The following KIAA0319 variants were observed in gnomAD, a reference collection of about 807,000 sequenced individuals.
The protein encoded by KIAA0319 is KIAA0319.
Under a neutral mutation model 108.4 loss-of-function variants are expected in KIAA0319, and 83 were observed. The observed-to-expected ratio is 0.77, with a 90% CI of 0.64 to 0.92. The LOEUF (loss-of-function observed/expected upper bound fraction) is 0.92, where lower values mean the gene tolerates loss of function less well. KIAA0319 is among the 40% of genes least tolerant of loss of function. The pLI is 0.00. For missense variants in KIAA0319, 1,195 were observed against 1,322.4 expected (o/e 0.90, Z 1.49); for synonymous variants, 484 against 510.4 (o/e 0.95, Z 0.70).
At chr6:24,560,414 A>T (rs1053212456) in intron 16 of KIAA0319, among the ~76,000 whole-genome samples, 9 of 152,180 alleles carry the variant, frequency 5.9e-5, no homozygotes, top group African/African-American at 2.2e-4. Context: ...GTGAAGTGAT[A>T]TTTCAACATG....
rs1562090984 is a variant in KIAA0319, at chr6:24,624,027, T to TC, written c.-106+21708_-106+21709insG. ...GAATTTCTTTGTTTTCTTTTTTTTTTTTTTTTTTTTTTTTTTAGACAAGGT... is the reference window on the plus strand; with the variant it reads ...GAATTTCTTTGTTTTCTTTTTTTTTTCTTTTTTTTTTTTTTTTAGACAAGGT... On this transcript the variant is annotated intron_variant, in intron 1 of 20. Coordinates refer to ENST00000378214, the MANE Select transcript of KIAA0319 (RefSeq NM_014809.4). 1.5e-4 allele frequency among the ~76,000 whole-genome samples: 21 copies of TC among 139,936 alleles called. No individual in the cohort carries two copies. The East Asian group carries it at 4.4e-3, about 29-fold the overall frequency. 91.8% of individuals were successfully genotyped at this position (139,936 alleles called of 152,430 possible). A position where few individuals can be genotyped will look rare whatever the true frequency, so the allele number is the denominator to read the frequency against.
At chr6:24,614,114 C>T (rs771182250) in intron 1 of KIAA0319, among the ~76,000 whole-genome samples, 17 of 152,158 alleles carry the variant, frequency 1.1e-4, no homozygotes, top group Non-Finnish European at 2.5e-4. Flanking sequence ...CAAGATACCC[C>T]GTGGCAGGTT....
intron 5 of KIAA0319, 90 bp from the exon 6 acceptor site, chr6:24,582,436 C>G: frequency 1.3e-6 from 1 of 757,166 alleles, no homozygotes; most frequent in Non-Finnish European, 2.4e-6. Flanking sequence ...CTTTAAACCA[C>G]CAGTGCAGAT....
downstream of KIAA0319, among the ~76,000 whole-genome samples, chr6:24,541,167 A>G (rs185484776): frequency 1.6e-3 from 246 of 152,324 alleles, no homozygotes; most frequent in Non-Finnish European, 2.9e-3. Flanking sequence ...ACATAATTGA[A>G]TAAGTGAATC....
intron 1 of KIAA0319, among the ~76,000 whole-genome samples, chr6:24,629,984 GCCTGGCCAA>G (rs1775301165): frequency 6.6e-6 from 1 of 152,050 alleles, no homozygotes; most frequent in African/African-American, 2.4e-5. Flanking sequence ...GTCAGGACCA[GCCTGGCCAA>G]CATGCCGAAA....
Position 24,588,693 on chromosome 6 carries a change from C to T in KIAA0319, c.894G>A (p.Gly298=), listed in dbSNP as rs762027255. The change falls in exon 4 of 21, where the codon GGG becomes GGA. Residue 298 remains glycine (G), a synonymous_variant. Coordinates refer to ENST00000378214, the MANE Select transcript of KIAA0319 (RefSeq NM_014809.4). ...GTGTTGGGATGCTGTGCTCTGTACT[C>T]CCCGGGGTGACTGTGAGCACTGGGC... ...EKSPVLTVTP[G]STEHSIPTPP... 1.9e-6 allele frequency: 3 copies of T among 1,613,874 alleles called. No individual in the cohort carries two copies. In the South Asian group the frequency reaches 3.3e-5, roughly 18 times the overall value.
intron 1 of KIAA0319, among the ~76,000 whole-genome samples, chr6:24,601,764 G>C (rs1171032078): frequency 6.6e-6 from 1 of 152,200 alleles, no homozygotes; most frequent in Non-Finnish European, 1.5e-5. Flanking sequence ...GGTCATTCGA[G>C]GCTGATTGTT....
chr6:24,567,325 G>A (rs1364817003), intron 13 of KIAA0319, among the ~76,000 whole-genome samples: 1 of 152,106 alleles, frequency 6.6e-6, no homozygotes, highest in African/African-American at 2.4e-5. Flanking sequence ...AACACAACAA[G>A]TCTCCATCTC....
At chr6:24,547,381 G>C (rs765009054) in intron 20 of KIAA0319, 38 bp from the exon 21 acceptor site, 2 of 1,564,800 alleles carry the variant, frequency 1.3e-6, no homozygotes, top group South Asian at 2.2e-5. Flanking sequence ...GAGGAACGCC[G>C]TGATTCACTT....
At chr6:24,586,309 TTTTG>T (rs148960150) in intron 4 of KIAA0319, among the ~76,000 whole-genome samples, 20,787 of 152,112 alleles carry the variant, frequency 0.14, 1,793 homozygotes, top group South Asian at 0.34. Context: ...GAGCTGTGTT[TTTTG>T]TTTGTTTGTT....
intron 19 of KIAA0319, among the ~76,000 whole-genome samples, chr6:24,553,294 T>TATACAC (rs1554142428): frequency 9.9e-5 from 9 of 91,070 alleles, no homozygotes; most frequent in South Asian, 7.9e-4. Flanking sequence ...TATATATATA[T>TATACAC]ACACACACAC....
chr6:24,564,091 C>G, intron 15 of KIAA0319, 111 bp downstream of exon 15: 1 of 1,374,778 alleles, frequency 7.3e-7, no homozygotes, highest in Non-Finnish European at 1.0e-6. Context: ...CAGCCAAGAG[C>G]TGGAGCCAGC....
rs145863882 is a variant in KIAA0319, at chr6:24,584,028, T to C, written c.995-326A>G. Reference sequence around the variant, plus strand: ...TGTGAATTGGGTCCATTTTCTCCCTTGCTATCAGCTTTTCTTGACGCCCTG... The same window carrying C: ...TGTGAATTGGGTCCATTTTCTCCCTCGCTATCAGCTTTTCTTGACGCCCTG... On this transcript the variant is annotated intron_variant, in intron 4 of 20. Transcript: ENST00000378214. Among the ~76,000 whole-genome samples the C allele has an allele frequency of 5.8e-3, 884 of 152,282 alleles. 8 individuals carry two copies. The highest frequency in any genetic ancestry group is 0.014 in the Middle Eastern group (4 of 294).
At chr6:24,571,538 C>G (rs1251791050) in intron 11 of KIAA0319, among the ~76,000 whole-genome samples, 1 of 152,138 alleles carries the variant, frequency 6.6e-6, no homozygotes, top group Non-Finnish European at 1.5e-5. Flanking sequence ...TTACAAAGCC[C>G]TTTAGGATGG....
intron 20 of KIAA0319, among the ~76,000 whole-genome samples, chr6:24,548,115 T>C (rs1760894776): frequency 6.6e-6 from 1 of 152,164 alleles, no homozygotes; most frequent in Admixed American, 6.5e-5. Context: ...TTTTAAATTG[T>C]ATATGAATTA....
chr6:24,644,848 C>T (rs1027111546), intron 1 of KIAA0319, among the ~76,000 whole-genome samples: 1 of 152,072 alleles, frequency 6.6e-6, no homozygotes, highest in Non-Finnish European at 1.5e-5. Flanking sequence ...TTCCCTTTTT[C>T]AAATTACAGA....
chr6:24,561,425 T>C (rs1463927184), intron 16 of KIAA0319, among the ~76,000 whole-genome samples: 1 of 152,242 alleles, frequency 6.6e-6, no homozygotes, highest in African/African-American at 2.4e-5. Flanking sequence ...TAGGTCTATT[T>C]AGATTTTTAA....
intron 5 of KIAA0319, among the ~76,000 whole-genome samples, chr6:24,582,696 T>C (rs1194000150): frequency 6.6e-6 from 1 of 151,082 alleles, no homozygotes; most frequent in African/African-American, 2.4e-5. Context: ...ACCATTAGTA[T>C]GTGATGAGTT....
In KIAA0319 at chr6:24,545,475, A is replaced by T. The variant is rs1760514300; in HGVS notation, c.*1690T>A. The T allele has an allele frequency of 6.6e-6, 1 of 152,172 alleles. No individual in the cohort carries two copies. Among genetic ancestry groups the T allele is most frequent in the African/African-American group, 2.4e-5 (1 of 41,436 alleles). The allele number at this position is 152,172 out of a possible 1,614,324, so 9.4% of individuals were successfully genotyped here. On this transcript the variant is annotated 3_prime_UTR_variant, in exon 21 of 21. Coordinates refer to ENST00000378214, the MANE Select transcript of KIAA0319 (RefSeq NM_014809.4). ...TTCACATTTGCATGCAAACAACCAT[A>T]ACCCTGGTCACCTGATAAGGCAGAT...
Sources: allele counts gnomAD v4.1 joint callset (sites outside exome capture counted in the v4.1 genomes callset), GRCh38; gene constraint gnomAD v4.1.1; transcripts MANE v1.5; gene names NCBI Gene and HGNC (gene_info 2026-07-23, HGNC 2026-07-21).